Variants in CLUH observed in about 807,000 individuals in gnomAD.
The protein encoded by CLUH is clustered mitochondria protein homolog.
A neutral mutation model predicts 139.3 loss-of-function variants in CLUH; 77 were observed. The ratio of observed to expected loss-of-function variants is 0.55; its 90% CI spans 0.46 to 0.67. The LOEUF (loss-of-function observed/expected upper bound fraction) is 0.67. CLUH is among the 30% of genes least tolerant of loss of function. CLUH has a pLI of 0.00. For missense variants in CLUH, 1,876 were observed against 1,875.8 expected (o/e 1.00, Z 0.00); for synonymous variants, 999 against 801.6 (o/e 1.25, Z -4.16).
In CLUH at chr17:2,707,525, A is replaced by G; in HGVS notation, c.101-2961T>C. The G allele has an allele frequency of 1.0e-6, 1 of 985,340 alleles. No homozygotes were observed. Among genetic ancestry groups the G allele is most frequent in the Non-Finnish European group, 1.2e-6 (1 of 829,866 alleles). The allele number at this position is 985,340 out of a possible 1,614,324, so 61.0% of individuals were successfully genotyped here. On this transcript the variant is annotated intron_variant, in intron 1 of 25. Transcript: ENST00000651024. The surrounding 1 kb of genome is among the most constrained non-coding windows in gnomAD (Gnocchi z 7.4). ...TCAGGCCCACCTCCCTATGCCCCCTAGAGAGGGGGTCACTGCCGGCAAAGC... is the reference window on the plus strand; with the variant it reads ...TCAGGCCCACCTCCCTATGCCCCCTGGAGAGGGGGTCACTGCCGGCAAAGC...
Position 2,695,395 on chromosome 17 carries a change from G to A in CLUH, c.2523C>T (p.Arg841=), listed in dbSNP as rs767494365. The A allele has an allele frequency of 7.4e-6, 12 of 1,612,624 alleles. No individual in the cohort carries two copies. The highest frequency in any genetic ancestry group is 1.3e-5 in the African/African-American group (1 of 74,954). Residue 841 remains arginine, a synonymous_variant, in exon 14 of 26, where the codon CGC becomes CGT. Coordinates refer to ENST00000651024, the MANE Select transcript of CLUH (RefSeq NM_001366661.1). ...VLELVLRSPA[R]HQLDHVFKIG... ...TCACAAAGACGTGGTCCAGCTGGTG[G>A]CGGGCCGGGCTCCGCAGCACCAGCT... is the stretch of plus-strand genomic sequence containing the variant.
At chr17:2,710,863 G>A (rs139945483) in intron 1 of CLUH, among the ~76,000 whole-genome samples, 534 of 152,360 alleles carry the variant, frequency 3.5e-3, no homozygotes, top group Non-Finnish European at 5.8e-3. Flanking sequence ...TAATGATCAA[G>A]TTCTGGCACA....
Position 2,693,137 on chromosome 17 carries a change from G to A in CLUH, c.3232-277C>T, listed in dbSNP as rs1424001430. ...ATACAAACCTAAAACTACTAAAAAT[G>A]TTACAAAAAAAAAAAAAAAGCCTGA... On this transcript the variant is annotated intron_variant, in intron 19 of 25. Transcript: ENST00000651024. 3.8e-3 allele frequency among the ~76,000 whole-genome samples: 3 copies of A among 784 alleles called. No individual in the cohort carries two copies. Among genetic ancestry groups the A allele is most frequent in the Non-Finnish European group, 0.012 (2 of 170 alleles). 0.5% of individuals were successfully genotyped at this position (784 alleles called of 152,430 possible). A position where few individuals can be genotyped will look rare whatever the true frequency, so the allele number is the denominator to read the frequency against.
At chr17:2,699,982 C>T (rs2070115735) in intron 9 of CLUH, among the ~76,000 whole-genome samples, 2 of 152,178 alleles carry the variant, frequency 1.3e-5, no homozygotes, top group Admixed American at 1.3e-4. Flanking sequence ...CTTAGTAACC[C>T]AGCACTAATA....
Position 2,692,708 on chromosome 17 carries a change from G to A in CLUH, c.3313-12C>T, listed in dbSNP as rs546501517. The A allele has an allele frequency of 9.3e-6, 15 of 1,608,952 alleles. No homozygotes were observed. The highest frequency in any genetic ancestry group is 6.7e-5 in the African/African-American group (5 of 74,938). On this transcript the variant is annotated splice_polypyrimidine_tract_variant and intron_variant, in intron 20 of 25. Transcript: ENST00000651024. ...AGGGCCAGGTGCATCTGCGGGCGGG[G>A]CGGAGACAGGTCAGGGTGGCCGCGG...
chr17:2,707,351 G>A lies in CLUH; in HGVS notation c.101-2787C>T, dbSNP rs754620707. The A allele has an allele frequency of 8.7e-5, 86 of 985,262 alleles. No individual in the cohort carries two copies. The highest frequency in any genetic ancestry group is 9.8e-5 in the Non-Finnish European group (81 of 829,912). The allele number at this position is 985,262 out of a possible 1,614,324, so 61.0% of individuals were successfully genotyped here. A position where few individuals can be genotyped will look rare whatever the true frequency, so the allele number is the denominator to read the frequency against. ...CGGGGCTGGAGCTCCGGCTGGCTTC[G>A]GGTTTCAGTGGGGCCAGGCCTGCCA... On this transcript the variant is annotated intron_variant, in intron 1 of 25. Coordinates refer to ENST00000651024, the MANE Select transcript of CLUH (RefSeq NM_001366661.1). The surrounding 1 kb of genome is among the most constrained non-coding windows in gnomAD (Gnocchi z 7.4).
intron 1 of CLUH, among the ~76,000 whole-genome samples, chr17:2,709,631 G>A (rs75051968): frequency 1.8e-4 from 28 of 152,206 alleles, no homozygotes; most frequent in African/African-American, 2.4e-4. Flanking sequence ...CCTAAAAGCC[G>A]CTGTATTCCC....
chr17:2,708,547 A>G (rs1455025475), intron 1 of CLUH, among the ~76,000 whole-genome samples: 4 of 152,130 alleles, frequency 2.6e-5, no homozygotes, highest in Admixed American at 2.0e-4. Flanking sequence ...GCCCAAGGTC[A>G]CAGAGGCAAG....
Position 2,700,086 on chromosome 17 carries a change from C to T in CLUH, c.1266+296G>A, listed in dbSNP as rs537167741. 5.9e-5 allele frequency among the ~76,000 whole-genome samples: 9 copies of T among 152,356 alleles called. No individual in the cohort carries two copies. The South Asian group carries it at 8.3e-4, about 14-fold the overall frequency. On this transcript the variant is annotated intron_variant, in intron 9 of 25. Transcript: ENST00000651024. ...CCAGTGCTCGCCCAGGCAAAAGCCC[C>T]GCAGCAGTCACAGAGGGCGGGAAGC... is the stretch of plus-strand genomic sequence containing the variant.
chr17:2,694,615 C>A, intron 16 of CLUH, 51 bp from the exon 17 acceptor site: 1 of 1,489,780 alleles, frequency 6.7e-7, no homozygotes, highest in Non-Finnish European at 9.1e-7. Flanking sequence ...CGGGCCCCCC[C>A]AACACCGCCC....
intron 9 of CLUH, among the ~76,000 whole-genome samples, 194 bp downstream of exon 9, chr17:2,700,188 A>G (rs2070122385): frequency 6.6e-6 from 1 of 152,224 alleles, no homozygotes; most frequent in African/African-American, 2.4e-5. Context: ...CAGAGAGGCC[A>G]GAGAAAGGTA....
At chr17:2,697,167 G>C (rs2069983083) in intron 10 of CLUH, among the ~76,000 whole-genome samples, 1 of 152,114 alleles carries the variant, frequency 6.6e-6, no homozygotes, top group African/African-American at 2.4e-5. Context: ...TGAGGACGAG[G>C]CAGGCAGATC....
rs528505716 is a variant in CLUH at position 2,708,844 on chromosome 17, G to C, written c.100+2718C>G. On this transcript the variant is annotated intron_variant, in intron 1 of 25. Coordinates refer to ENST00000651024, the MANE Select transcript of CLUH (RefSeq NM_001366661.1). The stretch of plus-strand genomic sequence containing the variant: ...TAGGCTGCACCTGCCTCCTCGTCCA[G>C]GCCTCAGCCTCTACTCGGGGGGGGG... Among the ~76,000 whole-genome samples the C allele has an allele frequency of 2.4e-3, 321 of 131,990 alleles. 1 individual carries two copies. The highest frequency in any genetic ancestry group is 0.022 in the South Asian group (86 of 3,852). The allele number at this position is 131,990 out of a possible 152,430, so 86.6% of individuals were successfully genotyped here.
chr17:2,698,615 G>A, intron 9 of CLUH, 25 bp from the exon 10 acceptor site: 2 of 1,544,438 alleles, frequency 1.3e-6, no homozygotes, highest in South Asian at 2.4e-5. Flanking sequence ...GGAGGGCAGG[G>A]TTAGAGGCCG....
chr17:2,709,387 C>T (rs921672925), intron 1 of CLUH, among the ~76,000 whole-genome samples: 2 of 152,180 alleles, frequency 1.3e-5, no homozygotes, highest in African/African-American at 4.8e-5. Flanking sequence ...CTGTCCCACC[C>T]AGGCCAGAGG....
chr17:2,708,516 C>T (rs1388654636), intron 1 of CLUH, among the ~76,000 whole-genome samples: 1 of 152,038 alleles, frequency 6.6e-6, no homozygotes, highest in African/African-American at 2.4e-5. Flanking sequence ...AACTGAGGCT[C>T]CAGAAGGCTA....
At position 2,703,591 on chromosome 17, in the gene CLUH, A is replaced by G; in HGVS notation, c.304-102T>C. 8.5e-7 allele frequency: 1 copy of G among 1,177,692 alleles called. No individual in the cohort carries two copies. Among genetic ancestry groups the G allele is most frequent in the Non-Finnish European group, 1.2e-6 (1 of 824,148 alleles). The allele number at this position is 1,177,692 out of a possible 1,614,324, so 73.0% of individuals were successfully genotyped here. On this transcript the variant is annotated intron_variant, in intron 2 of 25. Transcript: ENST00000651024. This position sits in a 1 kb window ranked among gnomAD's most constrained non-coding sequence, Gnocchi z 4.2. Reference sequence around the variant, plus strand: ...AGGCCACGTAGCGGACAGCAAGGACAATATCCCCTTGTCCCCAGCCCAAAG... The same window carrying G: ...AGGCCACGTAGCGGACAGCAAGGACGATATCCCCTTGTCCCCAGCCCAAAG...
In CLUH at chr17:2,707,532, G is replaced by T; in HGVS notation, c.101-2968C>A. Reference sequence around the variant, plus strand: ...CACCTCCCTATGCCCCCTAGAGAGGGGGTCACTGCCGGCAAAGCCGCTAGG... The same window carrying T: ...CACCTCCCTATGCCCCCTAGAGAGGTGGTCACTGCCGGCAAAGCCGCTAGG... On this transcript the variant is annotated intron_variant, in intron 1 of 25. Coordinates refer to ENST00000651024, the MANE Select transcript of CLUH (RefSeq NM_001366661.1). The surrounding 1 kb of genome is among the most constrained non-coding windows in gnomAD (Gnocchi z 7.4). 1 of 985,396 alleles carries T rather than the reference G, an allele frequency of 1.0e-6. No individual in the cohort carries two copies. Among genetic ancestry groups the T allele is most frequent in the Non-Finnish European group, 1.2e-6 (1 of 829,906 alleles). The allele number at this position is 985,396 out of a possible 1,614,324, so 61.0% of individuals were successfully genotyped here.
intron 9 of CLUH, 23 bp downstream of exon 9, chr17:2,700,359 C>CG: frequency 6.2e-7 from 1 of 1,602,794 alleles, no homozygotes; most frequent in South Asian, 1.1e-5. Context: ...CTCAGACTGC[C>CG]GGTCAGCAGA....
Sources: allele counts gnomAD v4.1 joint callset (sites outside exome capture counted in the v4.1 genomes callset), GRCh38; gene constraint gnomAD v4.1.1; non-coding constraint Gnocchi (gnomAD v3.1); transcripts MANE v1.5; gene names NCBI Gene and HGNC (gene_info 2026-07-23, HGNC 2026-07-21).